The following NUP160 variants were observed in gnomAD, a reference collection of about 807,000 sequenced individuals.
NUP160 encodes the protein nuclear pore complex protein Nup160.
A neutral mutation model predicts 196.9 loss-of-function variants in NUP160; 94 were observed. That is an observed-to-expected ratio of 0.48 (90% confidence interval 0.40 to 0.57). The LOEUF is 0.57. Ranked by LOEUF, NUP160 falls within the 20% of genes least tolerant of loss-of-function variation. The probability of loss-of-function intolerance (pLI) is 0.00; values close to 1 mark genes in which losing one functional copy is unlikely to be tolerated. For synonymous variants in NUP160, 605 were observed against 619.7 expected, an observed-to-expected ratio of 0.98 and a Z score of 0.35; for missense variants, 1,638 against 1,748.3, an observed-to-expected ratio of 0.94 and a Z score of 1.13.
At chr11:47,798,250 T>C (rs1447515719) in exon 25 of NUP160, 6 of 1,609,448 alleles carry the variant, frequency 3.7e-6, no homozygotes, top group Non-Finnish European at 4.2e-6. Context: ...AAAATACATG[T>C]CCTTAGAGTA....
At chr11:47,845,593 G>A (rs766876738) in intron 2 of NUP160, among the ~76,000 whole-genome samples, 6 of 152,140 alleles carry the variant, frequency 3.9e-5, no homozygotes, top group East Asian at 3.8e-4. Flanking sequence ...TTTGGTTATT[G>A]TTGTTGTTGC....
intron 34 of NUP160, among the ~76,000 whole-genome samples, chr11:47,782,294 AAAAAAAAAAATATATATATATATATAT>A (rs2097661390): frequency 9.8e-5 from 4 of 40,632 alleles, no homozygotes; most frequent in South Asian, 9.1e-4. Flanking sequence ...TCAGTTAAAA[AAAAAAAAAAATATATATATATATATAT>A]ATATATATAT....
At chr11:47,821,444 G>A (rs1599333451) in intron 9 of NUP160, 3 of 229,122 alleles carry the variant, frequency 1.3e-5, no homozygotes, top group African/African-American at 2.5e-5. Flanking sequence ...TGCAATCTCC[G>A]CCTCCTGGGT....
At chr11:47,831,735 T>C (rs955603862) in intron 7 of NUP160, among the ~76,000 whole-genome samples, 49 of 148,674 alleles carry the variant, frequency 3.3e-4, no homozygotes, top group Admixed American at 1.6e-3. Flanking sequence ...CCCAGCAACT[T>C]GGGAAGCTGA....
intron 7 of NUP160, among the ~76,000 whole-genome samples, chr11:47,832,420 TA>T (rs1474327321): frequency 1.3e-5 from 2 of 152,218 alleles, no homozygotes; most frequent in Non-Finnish European, 2.9e-5. Flanking sequence ...CCGGAGGTCA[TA>T]AGATTTGCAA....
intron 5 of NUP160, 48 bp from the exon 6 acceptor site, chr11:47,837,049 G>C (rs1565209013): frequency 9.6e-7 from 1 of 1,043,426 alleles, no homozygotes; most frequent in African/African-American, 1.6e-5. Context: ...CAAAGAATCT[G>C]ATCATTAGAA....
chr11:47,811,920 T>A (rs1007413574), intron 17 of NUP160, 144 bp downstream of exon 17: 1 of 651,578 alleles, frequency 1.5e-6, no homozygotes, highest in Non-Finnish European at 2.7e-6. Flanking sequence ...TTATAGAGCA[T>A]CTCATAAGGC....
At chr11:47,809,024 C>T (rs1406343100) in intron 17 of NUP160, among the ~76,000 whole-genome samples, 1 of 151,898 alleles carries the variant, frequency 6.6e-6, no homozygotes, top group Non-Finnish European at 1.5e-5. Flanking sequence ...TCGCTTGAAC[C>T]CAGGAGGCGG....
chr11:47,844,095 C>T (rs550283095), intron 2 of NUP160, among the ~76,000 whole-genome samples: 2 of 152,310 alleles, frequency 1.3e-5, no homozygotes, highest in South Asian at 4.1e-4. Flanking sequence ...GTATACTCCC[C>T]ATCCAATGCA....
At chr11:47,786,638 G>T in intron 31 of NUP160, 84 bp from the exon 32 acceptor site, 1 of 817,078 alleles carries the variant, frequency 1.2e-6, no homozygotes, top group Non-Finnish European at 2.1e-6. Flanking sequence ...AGAGATAGAT[G>T]ACAACTTCAT....
intron 17 of NUP160, among the ~76,000 whole-genome samples, chr11:47,810,775 G>T (rs992266863): frequency 1.3e-4 from 19 of 151,946 alleles, no homozygotes; most frequent in Non-Finnish European, 4.4e-5. Flanking sequence ...CGAACTCCTG[G>T]CCTCAAGTGA....
chr11:47,817,251 T>G (rs921413814), intron 11 of NUP160, among the ~76,000 whole-genome samples: 1 of 151,954 alleles, frequency 6.6e-6, no homozygotes, highest in African/African-American at 2.4e-5. Flanking sequence ...CCCAAAATTT[T>G]GGGATTACAG....
chr11:47,848,448 C>T, exon 1 of NUP160: 2 of 1,493,498 alleles, frequency 1.3e-6, no homozygotes, highest in Non-Finnish European at 1.8e-6. Flanking sequence ...GGCTCCGGCC[C>T]TTCGTTGCGA....
intron 32 of NUP160, among the ~76,000 whole-genome samples, chr11:47,785,612 G>A (rs544372111): frequency 2.0e-5 from 3 of 152,280 alleles, no homozygotes; most frequent in South Asian, 4.1e-4. Flanking sequence ...GTAAATGAAC[G>A]TTATTTGTTT....
intron 10 of NUP160, 136 bp from the exon 11 acceptor site, chr11:47,818,260 C>T (rs1228566254): frequency 2.7e-5 from 16 of 595,452 alleles, no homozygotes; most frequent in East Asian, 1.9e-4. Flanking sequence ...AACAGTAGTG[C>T]GGTTACATGT....
chr11:47,844,526 T>C (rs962558036), intron 2 of NUP160, among the ~76,000 whole-genome samples: 5 of 152,172 alleles, frequency 3.3e-5, no homozygotes, highest in Non-Finnish European at 7.3e-5. Flanking sequence ...CTTTGCACTT[T>C]TTATTCCTTT....
At chr11:47,847,466 G>A (rs890201675) in intron 2 of NUP160, among the ~76,000 whole-genome samples, 1 of 151,934 alleles carries the variant, frequency 6.6e-6, no homozygotes, top group African/African-American at 2.4e-5. Context: ...TGTTCATTTC[G>A]TCCTGGTACC....
At chr11:47,841,255 G>C (rs966105745) in intron 2 of NUP160, 1 of 257,040 alleles carries the variant, frequency 3.9e-6, no homozygotes, top group Non-Finnish European at 8.2e-6. Context: ...TCCCAGCTGA[G>C]GAGCAAGGAG....
chr11:47,782,303 AATATATATATATATATATATATAT>A lies in NUP160; in HGVS notation c.4116+746_4116+769del, dbSNP rs10529981. On this transcript the variant is annotated intron_variant, in intron 34 of 35. Transcript: ENST00000378460. ...CAAAACTCAGTTAAAAAAAAAAAAA[AATATATATATATATATATATATAT>A]ATATATATATATATATATATATATA... is the stretch of plus-strand genomic sequence containing the variant. 9.1e-3 allele frequency among the ~76,000 whole-genome samples: 368 copies of A among 40,514 alleles called. 28 individuals are homozygous for A. Among genetic ancestry groups the A allele is most frequent in the South Asian group, 0.053 (55 of 1,042 alleles). 26.6% of individuals were successfully genotyped at this position (40,514 alleles called of 152,430 possible).
Sources: gnomAD v4.1 joint callset for allele counts (sites outside exome capture counted in the v4.1 genomes callset) on GRCh38, gnomAD v4.1.1 for gene constraint, MANE v1.5 for transcripts, NCBI Gene and HGNC (gene_info 2026-07-23, HGNC 2026-07-21) for gene names.